ZC3H12B: variants seen among roughly 807,000 people sequenced by gnomAD.
ZC3H12B encodes zinc finger CCCH-type containing 12B.
ZC3H12B carries 7 observed loss-of-function variants against 43.9 expected under a neutral mutation model. That is an observed-to-expected ratio of 0.16 (90% CI 0.09 to 0.30). The LOEUF is 0.30. ZC3H12B is among the 10% of genes least tolerant of loss of function. The probability of loss-of-function intolerance (pLI) is 1.00; values close to 1 mark genes in which losing one functional copy is unlikely to be tolerated. For missense variants in ZC3H12B, 475 were observed against 670.2 expected (o/e 0.71, Z 3.22); for synonymous variants, 222 against 241.7 (o/e 0.92, Z 0.76).
chrX:65,277,601 C>T, the ZC3H12B span, among the ~76,000 whole-genome samples: 1 of 111,782 alleles, frequency 8.9e-6, no homozygotes, highest in Non-Finnish European at 1.9e-5. Flanking sequence ...AGTTAAACAA[C>T]ATGCTTTTCA....
intron 4 of ZC3H12B, 80 bp from the exon 10 acceptor site, chrX:65,501,709 G>T: frequency 1.0e-6 from 1 of 990,578 alleles, no homozygotes; most frequent in South Asian, 2.5e-5. Context: ...TAACCTGAGT[G>T]ACCAGATTGT....
chrX:65,272,738 G>A, the ZC3H12B span: 1 of 111,944 alleles, frequency 8.9e-6, no homozygotes, highest in Non-Finnish European at 1.9e-5. Context: ...TGAATATTGA[G>A]AGGTATAGAA....
chrX:65,091,609 A>G, the ZC3H12B span, among the ~76,000 whole-genome samples: 129 of 112,012 alleles, frequency 1.2e-3, no homozygotes, highest in African/African-American at 4.1e-3. Context: ...GTAACATGTT[A>G]CTTAGAGTAT....
chrX:65,326,770 A>T, the ZC3H12B span, among the ~76,000 whole-genome samples: 2 of 111,732 alleles, frequency 1.8e-5, no homozygotes, highest in South Asian at 7.3e-4. Flanking sequence ...AATCACATTA[A>T]CTTCAAATAA....
At chrX:65,179,156 A>G in the ZC3H12B span, among the ~76,000 whole-genome samples, 2 of 110,672 alleles carry the variant, frequency 1.8e-5, no homozygotes, top group African/African-American at 3.3e-5. Flanking sequence ...CTAACACAGC[A>G]ACAAAAAACC....
chrX:65,253,913 C>T, the ZC3H12B span, among the ~76,000 whole-genome samples: 1 of 112,165 alleles, frequency 8.9e-6, no homozygotes. Context: ...CAGAGGCAGA[C>T]ATTGACTCCA....
chrX:65,192,825 C>T, the ZC3H12B span, among the ~76,000 whole-genome samples: 4 of 108,686 alleles, frequency 3.7e-5, no homozygotes, highest in East Asian at 5.7e-4. Flanking sequence ...GATGGAGTCT[C>T]GCTCTATTGC....
At chrX:65,151,274 T>C in the ZC3H12B span, among the ~76,000 whole-genome samples, 1 of 111,921 alleles carries the variant, frequency 8.9e-6, no homozygotes, top group Non-Finnish European at 1.9e-5. Flanking sequence ...CTTAGTGCAA[T>C]TTAAAAAATG....
chrX:65,183,832 G>A, the ZC3H12B span, among the ~76,000 whole-genome samples: 1 of 111,406 alleles, frequency 9.0e-6, no homozygotes, highest in African/African-American at 3.3e-5. Context: ...AATGGTTCAA[G>A]GAATATTTAT....
intron 3 of ZC3H12B, among the ~76,000 whole-genome samples, chrX:65,416,688 G>A (rs1032120982): frequency 3.7e-5 from 4 of 108,864 alleles, no homozygotes; most frequent in African/African-American, 1.3e-4. Context: ...TACTCGGGAG[G>A]CTGAGGCAGG....
At chrX:65,329,299 GTGA>G in the ZC3H12B span, among the ~76,000 whole-genome samples, 24 of 111,508 alleles carry the variant, frequency 2.2e-4, no homozygotes, top group African/African-American at 6.6e-4. Context: ...CTGATGGCCA[GTGA>G]TGATGAGCAT....
the ZC3H12B span, among the ~76,000 whole-genome samples, chrX:65,130,808 C>A: frequency 9.2e-6 from 1 of 108,681 alleles, no homozygotes; most frequent in East Asian, 2.9e-4. Flanking sequence ...TGGGAGGGAC[C>A]AATGAGAAGG....
At chrX:65,209,748 CT>C in the ZC3H12B span, among the ~76,000 whole-genome samples, 1 of 106,750 alleles carries the variant, frequency 9.4e-6, no homozygotes, top group East Asian at 3.0e-4. Flanking sequence ...GAACAGAGCC[CT>C]CAGAAATAAT....
At chrX:65,117,399 A>T in the ZC3H12B span, among the ~76,000 whole-genome samples, 1 of 111,151 alleles carries the variant, frequency 9.0e-6, no homozygotes, top group South Asian at 3.7e-4. Flanking sequence ...CCACTTTTTG[A>T]TGGGGTTGTT....
At chrX:65,243,831 G>A in the ZC3H12B span, among the ~76,000 whole-genome samples, 9 of 111,371 alleles carry the variant, frequency 8.1e-5, no homozygotes, top group Non-Finnish European at 1.7e-4. Flanking sequence ...CAACATGGAT[G>A]GAATTAGAGG....
the ZC3H12B span, among the ~76,000 whole-genome samples, chrX:65,124,636 T>C: frequency 9.0e-6 from 1 of 110,820 alleles, no homozygotes; most frequent in South Asian, 3.8e-4. Flanking sequence ...TTCTTGGCAA[T>C]TTTTAAATTA....
the ZC3H12B span, among the ~76,000 whole-genome samples, chrX:65,164,801 C>T: frequency 4.5e-5 from 5 of 111,774 alleles, no homozygotes; most frequent in African/African-American, 6.5e-5. Flanking sequence ...TGGCAATTTC[C>T]CCTCAAAAGT....
the ZC3H12B span, among the ~76,000 whole-genome samples, chrX:65,133,310 C>A: frequency 9.1e-5 from 10 of 109,701 alleles, no homozygotes; most frequent in Non-Finnish European, 1.9e-4. Flanking sequence ...GGTTTGAGGG[C>A]CGGAATTTAA....
At chrX:65,286,139 A>G in the ZC3H12B span, among the ~76,000 whole-genome samples, 6 of 111,955 alleles carry the variant, frequency 5.4e-5, no homozygotes, top group Non-Finnish European at 7.5e-5. Context: ...AATATTCACA[A>G]TAGCAAAGAC....
Sources: gnomAD v4.1 joint callset for allele counts (sites outside exome capture counted in the v4.1 genomes callset) on GRCh38, gnomAD v4.1.1 for gene constraint, MANE v1.5 for transcripts, NCBI Gene and HGNC (gene_info 2026-07-23, HGNC 2026-07-21) for gene names.